Variants in CHRNA9 observed in about 807,000 individuals in gnomAD.
The protein encoded by CHRNA9 is cholinergic receptor nicotinic alpha 9 subunit.
Under a neutral mutation model 36.8 loss-of-function variants are expected in CHRNA9, and 24 were observed. That is an observed-to-expected ratio of 0.65 (90% CI 0.47 to 0.92). The LOEUF (loss-of-function observed/expected upper bound fraction) is 0.92, where lower values mean the gene tolerates loss of function less well. Among genes scored for constraint, CHRNA9 ranks in the 40% least tolerant of loss-of-function variants. The pLI is 0.00. For synonymous variants in CHRNA9, 231 were observed against 231.8 expected (o/e 1.00, Z 0.03); for missense variants, 610 against 601.2 (o/e 1.01, Z -0.15).
Position 40,337,301 on chromosome 4 carries a change from G to A in CHRNA9, c.302G>A (p.Gly101Asp). The change falls in exon 3 of 5, where the codon GGC becomes GAC. Residue 101 changes from glycine (G) to aspartate (D), a missense_variant. Physicochemically the swap from Gly to Asp is moderately conservative, Grantham distance 94 (BLOSUM62 -1). Coordinates refer to ENST00000310169, the MANE Select transcript of CHRNA9 (RefSeq NM_017581.4). ...YLTWDRDQYD[G>D]LDSIRIPSDL... ...ACGTGGGACCGAGATCAGTACGATGGCCTAGACTCCATCAGGATCCCCAGT... is the reference window on the plus strand; with the variant it reads ...ACGTGGGACCGAGATCAGTACGATGACCTAGACTCCATCAGGATCCCCAGT... The A allele has an allele frequency of 6.2e-7, 1 of 1,614,216 alleles. No individual in the cohort carries two copies. Among genetic ancestry groups the A allele is most frequent in the East Asian group, 2.2e-5 (1 of 44,890 alleles).
At chr4:40,347,930 A>C (rs1712680286) in intron 3 of CHRNA9, 1 of 152,224 alleles carries the variant, frequency 6.6e-6, no homozygotes, top group Non-Finnish European at 1.5e-5. Context: ...TCAGAAACTG[A>C]CTTTGGCAAC....
In CHRNA9 at chr4:40,335,474, T is replaced by G; in HGVS notation, c.7T>G (p.Trp3Gly). ...ATAGAGGCTCAGGAAAAAGATGAAC[T>G]GGTCCCATTCCTGCATCTCCTTTTG... is the stretch of plus-strand genomic sequence containing the variant. The part of the protein sequence containing the change: MN[W>G]SHSCISFCWI... Residue 3 changes from tryptophan (W) to glycine (G), a missense_variant, in exon 1 of 5, where the codon TGG (tryptophan) becomes GGG (glycine). Physicochemically the swap from Trp to Gly is radical, Grantham distance 184 (BLOSUM62 -2). Coordinates refer to ENST00000310169, the MANE Select transcript of CHRNA9 (RefSeq NM_017581.4). 3 of 1,613,124 alleles carry G rather than the reference T, an allele frequency of 1.9e-6. No homozygotes were observed. Among genetic ancestry groups the G allele is most frequent in the Non-Finnish European group, 2.5e-6 (3 of 1,178,996 alleles).
intron 4 of CHRNA9, among the ~76,000 whole-genome samples, chr4:40,351,522 T>G (rs1712806086): frequency 6.6e-6 from 1 of 152,000 alleles, no homozygotes; most frequent in Non-Finnish European, 1.5e-5. Context: ...CTTGAGAACA[T>G]TTATTTAACA....
Position 40,352,494 on chromosome 4 carries a change from G to A in CHRNA9, c.899-1485G>A, listed in dbSNP as rs536469579. ...CCCACCTCGGCCTCCCAAAGTGCTG[G>A]GATTACAGGTGTGAGCCACCGTGCC... On this transcript the variant is annotated intron_variant, in intron 4 of 4. Coordinates refer to ENST00000310169, the MANE Select transcript of CHRNA9 (RefSeq NM_017581.4). Among the ~76,000 whole-genome samples, 14 of 152,118 alleles carry A rather than the reference G, an allele frequency of 9.2e-5. No individual in the cohort carries two copies. In the East Asian group the frequency reaches 2.7e-3, roughly 29 times the overall value.
intron 3 of CHRNA9, chr4:40,348,196 C>T (rs929762237): frequency 6.6e-6 from 1 of 152,306 alleles, no homozygotes; most frequent in Non-Finnish European, 1.5e-5. Flanking sequence ...TGGCCAGGGA[C>T]ACTGGGGCAC....
chr4:40,351,813 T>C (rs1309792882), intron 4 of CHRNA9, among the ~76,000 whole-genome samples: 3 of 152,260 alleles, frequency 2.0e-5, no homozygotes, highest in African/African-American at 4.8e-5. Flanking sequence ...CTCTTTTGTA[T>C]AACTGGACCA....
chr4:40,344,018 G>C (rs1712568908), intron 3 of CHRNA9, among the ~76,000 whole-genome samples: 2 of 152,210 alleles, frequency 1.3e-5, no homozygotes, highest in African/African-American at 4.8e-5. Context: ...TTGTAAGAGG[G>C]AGATGAGATG....
chr4:40,350,817 A>C (rs568883727), intron 4 of CHRNA9, among the ~76,000 whole-genome samples: 1 of 152,032 alleles, frequency 6.6e-6, no homozygotes, highest in South Asian at 2.1e-4. Context: ...CTGAGGCAGA[A>C]ATGATTGGCA....
chr4:40,344,637 G>T (rs938436930), intron 3 of CHRNA9, among the ~76,000 whole-genome samples: 10 of 151,972 alleles, frequency 6.6e-5, no homozygotes, highest in Admixed American at 2.6e-4. Context: ...GAAGCCTTAA[G>T]GTATTATAAT....
chr4:40,335,361 G>C lies in CHRNA9; in HGVS notation c.-107G>C. The C allele has an allele frequency of 2.4e-6, 2 of 849,288 alleles. No homozygotes were observed. The highest frequency in any genetic ancestry group is 4.0e-6 in the Non-Finnish European group (2 of 496,676). The allele number at this position is 849,288 out of a possible 1,614,324, so 52.6% of individuals were successfully genotyped here. On this transcript the variant is annotated 5_prime_UTR_variant, in exon 1 of 5. Transcript: ENST00000310169. ...GCAAGCCTGAGCTCTCCCGCCATAA[G>C]GCTGCAGCGGTGTGGGCTCCTTGTG...
intron 3 of CHRNA9, among the ~76,000 whole-genome samples, chr4:40,341,738 T>C (rs1439498795): frequency 3.9e-5 from 6 of 152,236 alleles, no homozygotes; most frequent in Admixed American, 6.5e-5. Flanking sequence ...TCTTTCATTG[T>C]TCTGTACTTT....
intron 2 of CHRNA9, among the ~76,000 whole-genome samples, chr4:40,336,685 T>C (rs947139639): frequency 3.9e-5 from 6 of 152,192 alleles, no homozygotes; most frequent in African/African-American, 1.2e-4. Flanking sequence ...TTTTACCGTG[T>C]TAGTCAGGAT....
chr4:40,352,372 C>T (rs1177233436), intron 4 of CHRNA9, among the ~76,000 whole-genome samples: 1 of 152,102 alleles, frequency 6.6e-6, no homozygotes, highest in Admixed American at 6.6e-5. Context: ...CAGGCACGTG[C>T]CAATACACCC....
Position 40,354,336 on chromosome 4 carries a change from C to G in CHRNA9, c.1256C>G (p.Ala419Gly). ...CCTCAGGAGGCCGAGAGTTACTGTGCACAGTACAAAGTGCTGACGAGGAAT... is the reference window on the plus strand; with the variant it reads ...CCTCAGGAGGCCGAGAGTTACTGTGGACAGTACAAAGTGCTGACGAGGAAT... ...KNPQEAESYC[A>G]QYKVLTRNIE... is the part of the protein sequence containing the mutation. The change falls in exon 5 of 5, where the codon GCA becomes GGA. Residue 419 changes from alanine to glycine, a missense_variant. Physicochemically the swap from Ala to Gly is moderately conservative, Grantham distance 60. Transcript: ENST00000310169. 1 of 1,614,128 alleles carries G rather than the reference C, an allele frequency of 6.2e-7. No individual in the cohort carries two copies. Among genetic ancestry groups the G allele is most frequent in the Non-Finnish European group, 8.5e-7 (1 of 1,180,014 alleles).
intron 3 of CHRNA9, among the ~76,000 whole-genome samples, chr4:40,339,328 T>G (rs1480084364): frequency 6.8e-6 from 1 of 146,786 alleles, no homozygotes; most frequent in Non-Finnish European, 1.5e-5. Flanking sequence ...AGAAAGATAA[T>G]TTCATTGACA....
At position 40,349,223 on chromosome 4, in the gene CHRNA9, G is replaced by A. The variant is rs753987563; in HGVS notation, c.707G>A (p.Arg236Lys). Residue 236 changes from arginine (R) to lysine (K), a missense_variant, in exon 4 of 5, where the codon AGG becomes AAG. By Grantham distance (26) the Arg-to-Lys change is conservative. Transcript: ENST00000310169. ...DVTFTLLLKR[R>K]SSFYIVNLLI... ...ACATTCACCCTCCTTCTGAAGAGGAGGTCCTCGTTCTATATCGTCAACCTC... is the reference window on the plus strand; with the variant it reads ...ACATTCACCCTCCTTCTGAAGAGGAAGTCCTCGTTCTATATCGTCAACCTC... 3.1e-6 allele frequency: 5 copies of A among 1,614,158 alleles called. No homozygotes were observed. Among genetic ancestry groups the A allele is most frequent in the Non-Finnish European group, 4.2e-6 (5 of 1,180,022 alleles).
chr4:40,350,510 T>C (rs1030261560), intron 4 of CHRNA9, among the ~76,000 whole-genome samples: 12 of 152,262 alleles, frequency 7.9e-5, no homozygotes, highest in Middle Eastern at 3.4e-3. Flanking sequence ...GATCTAAGTT[T>C]GAGTTCCTTA....
intron 3 of CHRNA9, among the ~76,000 whole-genome samples, chr4:40,345,255 AAAT>A (rs750572618): frequency 1.1e-4 from 16 of 152,188 alleles, no homozygotes; most frequent in Non-Finnish European, 1.9e-4. Context: ...TGAAGTGATT[AAAT>A]AATAATGTCT....
chr4:40,353,490 CA>C (rs201421126), intron 4 of CHRNA9, among the ~76,000 whole-genome samples: 19,858 of 104,740 alleles, frequency 0.19, 1,264 homozygotes, highest in East Asian at 0.31. Flanking sequence ...GACTCTGTCT[CA>C]AAAAAAAAAA....
Sources: gnomAD v4.1 joint callset for allele counts (sites outside exome capture counted in the v4.1 genomes callset) on GRCh38, gnomAD v4.1.1 for gene constraint, MANE v1.5 for transcripts, NCBI Gene and HGNC (gene_info 2026-07-23, HGNC 2026-07-21) for gene names.